The following DYNC2H1 variants were observed in gnomAD, a reference collection of about 807,000 sequenced individuals.
DYNC2H1 encodes the protein cytoplasmic dynein 2 heavy chain 1.
In DYNC2H1, 410 loss-of-function variants were observed where a neutral mutation model predicts 570.0. The observed-to-expected ratio is 0.72, with a 90% confidence interval of 0.66 to 0.78. The LOEUF (loss-of-function observed/expected upper bound fraction) is 0.78, where lower values mean the gene tolerates loss of function less well. Among genes scored for constraint, DYNC2H1 ranks in the 30% least tolerant of loss-of-function variants. DYNC2H1 has a pLI of 0.00. For missense variants in DYNC2H1, 4,865 were observed against 5,046.4 expected (o/e 0.96, Z 1.09); for synonymous variants, 1,688 against 1,677.6 (o/e 1.01, Z -0.15).
At chr11:103,453,037 C>T (rs1944663293) in intron 85 of DYNC2H1, among the ~76,000 whole-genome samples, 1 of 151,974 alleles carries the variant, frequency 6.6e-6, no homozygotes, top group Non-Finnish European at 1.5e-5. Context: ...AAGAAATTGC[C>T]TAGCCCATTT....
Position 103,288,970 on chromosome 11 carries a change from G to A in DYNC2H1, c.11095+1365G>A, listed in dbSNP as rs181695260. ...CTGAACGTCTTCAAATGGCTCCTGG[G>A]GATAACATCACTATTGTAAAACCTA... On this transcript the variant is annotated intron_variant, in intron 75 of 88. Transcript: ENST00000375735. 8.1e-3 allele frequency among the ~76,000 whole-genome samples: 1,234 copies of A among 151,944 alleles called. 8 individuals are homozygous for A. Among genetic ancestry groups the A allele is most frequent in the South Asian group, 0.019 (93 of 4,806 alleles).
At chr11:103,235,075 CATTT>C (rs1864170056) in intron 61 of DYNC2H1, among the ~76,000 whole-genome samples, 1 of 151,864 alleles carries the variant, frequency 6.6e-6, no homozygotes, top group Non-Finnish European at 1.5e-5. Context: ...GTTCACCCTT[CATTT>C]GTCAGCTGAA....
At position 103,452,161 on chromosome 11, in the gene DYNC2H1, TTGAA is replaced by T. The variant is rs377685919; in HGVS notation, c.12457-3023_12457-3020del. On this transcript the variant is annotated intron_variant, in intron 85 of 88. Transcript: ENST00000375735. ...AATAGTTTTTCCCCAGCATAATTGA[TTGAA>T]TAATGTTTTTATTCCTCAGTGACCT... 2.2e-3 allele frequency among the ~76,000 whole-genome samples: 341 copies of T among 152,268 alleles called. 3 individuals carry two copies. Among genetic ancestry groups the T allele is most frequent in the African/African-American group, 7.9e-3 (328 of 41,586 alleles).
chr11:103,137,302 A>G (rs1859619203), intron 17 of DYNC2H1, among the ~76,000 whole-genome samples: 1 of 146,962 alleles, frequency 6.8e-6, no homozygotes, highest in Non-Finnish European at 1.5e-5. Context: ...GTCGTTGCCC[A>G]TGCCTATGTC....
rs1860054020 is a variant in DYNC2H1, at chr11:103,143,251, T to G, written c.2575-17T>G. 1.9e-6 allele frequency: 3 copies of G among 1,609,980 alleles called. No homozygotes were observed. On this transcript the variant is annotated splice_polypyrimidine_tract_variant and intron_variant, in intron 17 of 88. Coordinates refer to ENST00000375735, the MANE Select transcript of DYNC2H1 (RefSeq NM_001377.3). ...GTTCTGTGTCTTTAATAATACATTT[T>G]TTCTTTCTTTAAATAGGAATGGATT...
Position 103,227,534 on chromosome 11 carries a change from G to A in DYNC2H1, c.9354-3726G>A, listed in dbSNP as rs561180955. Among the ~76,000 whole-genome samples, 4 of 152,184 alleles carry A rather than the reference G, an allele frequency of 2.6e-5. No homozygotes were observed. The South Asian group carries it at 6.2e-4, about 24-fold the overall frequency. On this transcript the variant is annotated intron_variant, in intron 59 of 88. Coordinates refer to ENST00000375735, the MANE Select transcript of DYNC2H1 (RefSeq NM_001377.3). Reference sequence around the variant, plus strand: ...TTGATTTCCAGTTTTATTCCACAGTGGTCTGAGAGAGTACTTGATATAATT... The same window carrying A: ...TTGATTTCCAGTTTTATTCCACAGTAGTCTGAGAGAGTACTTGATATAATT...
intron 83 of DYNC2H1, among the ~76,000 whole-genome samples, chr11:103,359,523 T>G (rs1240073485): frequency 6.6e-6 from 1 of 152,184 alleles, no homozygotes; most frequent in Non-Finnish European, 1.5e-5. Context: ...GAGAAAACTT[T>G]TTTCGATTAT....
intron 88 of DYNC2H1, among the ~76,000 whole-genome samples, chr11:103,471,645 T>C (rs1235419935): frequency 1.3e-5 from 2 of 152,252 alleles, no homozygotes; most frequent in Non-Finnish European, 2.9e-5. Flanking sequence ...TGTTTTATCT[T>C]ATTTCATATG....
At chr11:103,360,036 C>G (rs1940560288) in intron 83 of DYNC2H1, among the ~76,000 whole-genome samples, 1 of 152,038 alleles carries the variant, frequency 6.6e-6, no homozygotes, top group African/African-American at 2.4e-5. Flanking sequence ...CACAACACAC[C>G]CCCTAATTAC....
At chr11:103,162,292 A>G (rs114380056) in intron 29 of DYNC2H1, among the ~76,000 whole-genome samples, 2,786 of 152,260 alleles carry the variant, frequency 0.018, 82 homozygotes, top group African/African-American at 0.062. Flanking sequence ...AGATTGAAAA[A>G]AAAAGCTGGA....
Position 103,126,956 on chromosome 11 carries a change from A to G in DYNC2H1, c.1857+1661A>G, listed in dbSNP as rs565857057. Among the ~76,000 whole-genome samples the G allele has an allele frequency of 1.8e-4, 27 of 152,322 alleles. No individual in the cohort carries two copies. The South Asian group carries it at 5.4e-3, about 30-fold the overall frequency. On this transcript the variant is annotated intron_variant, in intron 12 of 88. Transcript: ENST00000375735. ...GCCGGCCTATTTGTTTCATTTCAAA[A>G]TAGTGAACAAGTAGATCAATATTTA...
intron 82 of DYNC2H1, among the ~76,000 whole-genome samples, chr11:103,345,000 AT>A (rs11301114): frequency 0.22 from 32,940 of 152,032 alleles, 3,704 homozygotes; most frequent in Admixed American, 0.31. Context: ...GGTTTTACAT[AT>A]TTTTTAGTAG....
intron 84 of DYNC2H1, among the ~76,000 whole-genome samples, chr11:103,431,670 C>G (rs951647318): frequency 6.6e-6 from 1 of 152,070 alleles, no homozygotes; most frequent in African/African-American, 2.4e-5. Context: ...TGGTTTATTC[C>G]TGTAACATAA....
chr11:103,154,563 C>A lies in DYNC2H1; in HGVS notation c.3415C>A (p.Gln1139Lys). Residue 1139 changes from glutamine to lysine, a missense_variant, in exon 23 of 89, where the codon CAA becomes AAA. Gln to Lys is a moderately conservative substitution (Grantham distance 53, BLOSUM62 1). This residue lies in a region of DYNC2H1 where 1,936 missense variants were observed against 1,962.1 expected (regional missense o/e 0.99). Coordinates refer to ENST00000375735, the MANE Select transcript of DYNC2H1 (RefSeq NM_001377.3). Reference protein sequence around the residue: ...QIWAFYEEFQQGFQEMANEDW... With the variant: ...QIWAFYEEFQKGFQEMANEDW... Reference sequence around the variant, plus strand: ...TTGGGCCTTTTATGAAGAGTTTCAACAAGGATTTCAGGAAATGGCCAATGA... The same window carrying A: ...TTGGGCCTTTTATGAAGAGTTTCAAAAAGGATTTCAGGAAATGGCCAATGA... The A allele has an allele frequency of 6.2e-7, 1 of 1,601,998 alleles. No individual in the cohort carries two copies. Among genetic ancestry groups the A allele is most frequent in the Non-Finnish European group, 8.5e-7 (1 of 1,174,248 alleles).
chr11:103,238,266 C>T (rs1215548625), intron 63 of DYNC2H1, among the ~76,000 whole-genome samples: 1 of 151,974 alleles, frequency 6.6e-6, no homozygotes, highest in Admixed American at 6.6e-5. Flanking sequence ...GATATAATCT[C>T]CTCATTAACT....
chr11:103,438,831 T>C (rs1185125824), intron 85 of DYNC2H1, among the ~76,000 whole-genome samples: 2 of 152,146 alleles, frequency 1.3e-5, no homozygotes, highest in African/African-American at 4.8e-5. Flanking sequence ...CATTCATTTA[T>C]CATTTTATCA....
intron 4 of DYNC2H1, among the ~76,000 whole-genome samples, 163 bp from the exon 5 acceptor site, chr11:103,116,407 G>A (rs1591261427): frequency 6.6e-6 from 1 of 151,920 alleles, no homozygotes; most frequent in Admixed American, 6.6e-5. Context: ...GAAATTATAG[G>A]GTATTTGCAT....
chr11:103,153,135 T>A (rs972111894), intron 21 of DYNC2H1, among the ~76,000 whole-genome samples, 168 bp from the exon 22 acceptor site: 1 of 152,234 alleles, frequency 6.6e-6, no homozygotes, highest in Non-Finnish European at 1.5e-5. Context: ...GTTTGAATTA[T>A]TTTATTGAAC....
intron 34 of DYNC2H1, 31 bp downstream of exon 34, chr11:103,171,099 A>G: frequency 6.6e-7 from 1 of 1,516,556 alleles, no homozygotes; most frequent in Non-Finnish European, 8.9e-7. Context: ...TTAAAGAATT[A>G]AAATATTTTG....
Sources: gnomAD v4.1 joint callset for allele counts (sites outside exome capture counted in the v4.1 genomes callset) on GRCh38, gnomAD v4.1.1 for gene constraint, gnomAD v4.1.1 regional missense constraint, MANE v1.5 for transcripts, NCBI Gene and HGNC (gene_info 2026-07-23, HGNC 2026-07-21) for gene names.